UAP1: variants seen among roughly 807,000 people sequenced by gnomAD.
UAP1 encodes the protein UDP-N-acetylglucosamine pyrophosphorylase 1.
Under a neutral mutation model 58.5 loss-of-function variants are expected in UAP1, and 25 were observed. The observed-to-expected ratio is 0.43, with a 90% confidence interval of 0.31 to 0.60. UAP1 has a LOEUF of 0.60. UAP1 is among the 20% of genes least tolerant of loss of function. The pLI is 0.11. For synonymous variants in UAP1, 208 were observed against 213.0 expected (o/e 0.98, Z 0.21); for missense variants, 575 against 630.0 (o/e 0.91, Z 0.93).
In UAP1 at chr1:162,581,806, G is replaced by A. The variant is rs180911150; in HGVS notation, c.834+347G>A. Among the ~76,000 whole-genome samples, 17 of 152,286 alleles carry A rather than the reference G, an allele frequency of 1.1e-4. No individual in the cohort carries two copies. The East Asian group carries it at 3.3e-3, about 29-fold the overall frequency. On this transcript the variant is annotated intron_variant, in intron 5 of 10. Transcript: ENST00000271469. Reference sequence around the variant, plus strand: ...TTCCTGTGACAAAGTTATTGGAGTAGGTAAGGAAAATGTGGTAGAAATAAC... The same window carrying A: ...TTCCTGTGACAAAGTTATTGGAGTAAGTAAGGAAAATGTGGTAGAAATAAC...
rs536971235 is a variant in UAP1, at chr1:162,579,516, A to G, written c.574A>G (p.Ile192Val). The G allele has an allele frequency of 5.6e-6, 9 of 1,611,756 alleles. No homozygotes were observed. The African/African-American group carries it at 1.1e-4, about 19-fold the overall frequency. ...CTTTGGTTTAAAAAAAGAGAATGTAATCTTTTTTCAGCAAGGAATGCTCCC... is the reference window on the plus strand; with the variant it reads ...CTTTGGTTTAAAAAAAGAGAATGTAGTCTTTTTTCAGCAAGGAATGCTCCC... Residue 192 changes from isoleucine to valine, a missense_variant, in exon 4 of 11, where the codon ATC becomes GTC. Transcript: ENST00000271469.
chr1:162,598,938 A>G (rs1473000), intron 10 of UAP1, among the ~76,000 whole-genome samples: 109,584 of 151,810 alleles, frequency 0.72, 39,940 homozygotes, highest in Admixed American at 0.81. Context: ...ATTGCTTGAA[A>G]CTGGGAGGTG....
At chr1:162,575,910 T>G (rs1261507058) in intron 2 of UAP1, among the ~76,000 whole-genome samples, 1 of 152,158 alleles carries the variant, frequency 6.6e-6, no homozygotes, top group Non-Finnish European at 1.5e-5. Context: ...CTCAAACTCC[T>G]GACCTCAGGT....
chr1:162,587,956 C>CATA, intron 6 of UAP1: 1 of 261,500 alleles, frequency 3.8e-6, no homozygotes, highest in East Asian at 6.8e-5. Flanking sequence ...TGAAGCAAAG[C>CATA]ATAAGAAATG....
chr1:162,579,379 C>G lies in UAP1; in HGVS notation c.486-49C>G, dbSNP rs191556973. On this transcript the variant is annotated intron_variant, in intron 3 of 10. Transcript: ENST00000271469. ...GAAATAGACGAAACTTTATTTTGCC[C>G]TAGTCCACCTAGCACGGTTGCTTAG... is the stretch of plus-strand genomic sequence containing the variant. The G allele has an allele frequency of 1.4e-3, 1,900 of 1,310,376 alleles. 6 individuals carry two copies. The highest frequency in any genetic ancestry group is 1.3e-3 in the Non-Finnish European group (1,282 of 1,006,432). The allele number at this position is 1,310,376 out of a possible 1,614,324, so 81.2% of individuals were successfully genotyped here. A position where few individuals can be genotyped will look rare whatever the true frequency, so the allele number is the denominator to read the frequency against.
At chr1:162,595,263 T>G (rs1328781781) in intron 9 of UAP1, among the ~76,000 whole-genome samples, 1 of 152,196 alleles carries the variant, frequency 6.6e-6, no homozygotes, top group Non-Finnish European at 1.5e-5. Flanking sequence ...TTTGTGGTAG[T>G]AGAATGGAAG....
At chr1:162,586,133 G>A (rs1348883011) in intron 5 of UAP1, among the ~76,000 whole-genome samples, 2 of 152,146 alleles carry the variant, frequency 1.3e-5, no homozygotes, top group Non-Finnish European at 2.9e-5. Context: ...AGTGGCTTTA[G>A]TTTTCTGGAT....
At chr1:162,574,243 C>T (rs1025174382) in intron 2 of UAP1, among the ~76,000 whole-genome samples, 2 of 151,888 alleles carry the variant, frequency 1.3e-5, no homozygotes, top group Non-Finnish European at 2.9e-5. Context: ...CAGGCATGCA[C>T]CACCACACCC....
At chr1:162,582,629 G>A (rs1213199671) in intron 5 of UAP1, among the ~76,000 whole-genome samples, 1 of 152,110 alleles carries the variant, frequency 6.6e-6, no homozygotes, top group African/African-American at 2.4e-5. Context: ...AATCATAAAG[G>A]TATTAGAAGA....
intron 2 of UAP1, among the ~76,000 whole-genome samples, chr1:162,567,414 C>T (rs1653584612): frequency 6.6e-6 from 1 of 152,198 alleles, no homozygotes; most frequent in Non-Finnish European, 1.5e-5. Flanking sequence ...TGCCCCAATG[C>T]TTTTCATTCT....
intron 1 of UAP1, among the ~76,000 whole-genome samples, chr1:162,563,030 G>A (rs560245602): frequency 2.0e-5 from 3 of 152,232 alleles, no homozygotes; most frequent in South Asian, 4.2e-4. Flanking sequence ...TAGGCTGTGG[G>A]CATGTACCAA....
At position 162,566,246 on chromosome 1, in the gene UAP1, TC is replaced by T; in HGVS notation, c.179del (p.Ser60PhefsTer18). On this transcript the variant is annotated frameshift_variant, in exon 2 of 11. Coordinates refer to ENST00000271469, the Ensembl canonical transcript of UAP1. LOFTEE classifies it high-confidence loss of function. ...GGCCATTGAAGGTTTTAACCAGTCT[TC>T]TCACCAAAAGAATGTGGATGCACGA... 1 of 1,614,174 alleles carries T rather than the reference TC, an allele frequency of 6.2e-7. No homozygotes were observed. The highest frequency in any genetic ancestry group is 2.2e-5 in the East Asian group (1 of 44,888).
intron 5 of UAP1, among the ~76,000 whole-genome samples, chr1:162,581,790 C>T (rs1654601806): frequency 6.6e-6 from 1 of 152,104 alleles, no homozygotes. Context: ...TTTCCTGTGA[C>T]AAAGTTATTG....
chr1:162,586,692 A>G (rs1387437582), intron 5 of UAP1, among the ~76,000 whole-genome samples: 1 of 152,140 alleles, frequency 6.6e-6, no homozygotes, highest in Non-Finnish European at 1.5e-5. Flanking sequence ...TGGCATACCA[A>G]AATCACTTGT....
intron 2 of UAP1, 30 bp from the exon 3 acceptor site, chr1:162,576,747 G>T (rs1557969602): frequency 1.3e-6 from 2 of 1,597,156 alleles, no homozygotes; most frequent in South Asian, 2.2e-5. Context: ...AATTGTAGAG[G>T]TTTTGTGATA....
In UAP1 at chr1:162,573,464, G is replaced by C. The variant is rs143592759; in HGVS notation, c.281-3313G>C. 5.5e-4 allele frequency among the ~76,000 whole-genome samples: 83 copies of C among 152,150 alleles called. 1 individual carries two copies. The highest frequency in any genetic ancestry group is 1.9e-3 in the African/African-American group (78 of 41,500). On this transcript the variant is annotated intron_variant, in intron 2 of 10. Transcript: ENST00000271469. Reference sequence around the variant, plus strand: ...CCTCTTAGATTATAGTTACTATTTTGGGTTCTATTTTGGTACACCTGATTT... The same window carrying C: ...CCTCTTAGATTATAGTTACTATTTTCGGTTCTATTTTGGTACACCTGATTT...
chr1:162,600,049 G>A (rs186494234), downstream of UAP1, among the ~76,000 whole-genome samples: 67 of 152,280 alleles, frequency 4.4e-4, 1 homozygote, highest in East Asian at 0.013. Context: ...ACCCAAAGGG[G>A]CATTTGGCAA....
At chr1:162,564,699 A>G (rs1371442823) in intron 1 of UAP1, among the ~76,000 whole-genome samples, 2 of 151,982 alleles carry the variant, frequency 1.3e-5, no homozygotes, top group African/African-American at 2.4e-5. Context: ...TTGAGAATCT[A>G]CTGTTCGCTT....
At chr1:162,589,207 A>AT (rs1655135249) in intron 7 of UAP1, among the ~76,000 whole-genome samples, 2 of 37,824 alleles carry the variant, frequency 5.3e-5, no homozygotes, top group East Asian at 6.9e-4. Flanking sequence ...TATTATATTT[A>AT]AATATATATA....
Sources: allele counts gnomAD v4.1 joint callset (sites outside exome capture counted in the v4.1 genomes callset), GRCh38; gene constraint gnomAD v4.1.1; transcripts MANE v1.5; gene names NCBI Gene and HGNC (gene_info 2026-07-23, HGNC 2026-07-21).